SYT9: variants seen among roughly 807,000 people sequenced by gnomAD.
The protein encoded by SYT9 is synaptotagmin 9.
Under a neutral mutation model 48.4 loss-of-function variants are expected in SYT9, and 22 were observed. The observed-to-expected ratio is 0.45, with a 90% CI of 0.32 to 0.65. The LOEUF (loss-of-function observed/expected upper bound fraction) is 0.65, where lower values mean the gene tolerates loss of function less well. SYT9 is among the 30% of genes least tolerant of loss of function. The pLI, the probability that SYT9 is intolerant of heterozygous loss-of-function variation, is 0.03. For synonymous variants in SYT9, 265 were observed against 245.0 expected (o/e 1.08, Z -0.76); for missense variants, 577 against 622.0 (o/e 0.93, Z 0.77).
chr11:7,397,526 A>G (rs1846779250), intron 3 of SYT9, among the ~76,000 whole-genome samples: 1 of 152,096 alleles, frequency 6.6e-6, no homozygotes, highest in Non-Finnish European at 1.5e-5. Context: ...TTTCATATTA[A>G]TTTTAGAATC....
intron 3 of SYT9, among the ~76,000 whole-genome samples, chr11:7,401,262 C>G (rs992294479): frequency 6.6e-6 from 1 of 151,436 alleles, no homozygotes; most frequent in Non-Finnish European, 1.5e-5. Context: ...AAATGAATTT[C>G]AGGCTTAGGC....
At chr11:7,275,621 A>G (rs1031221160) in intron 1 of SYT9, among the ~76,000 whole-genome samples, 1 of 152,160 alleles carries the variant, frequency 6.6e-6, no homozygotes. Context: ...CCAGCCTTCA[A>G]TATACTGATA....
At chr11:7,319,197 T>TTC (rs1849296399) in intron 3 of SYT9, among the ~76,000 whole-genome samples, 1 of 36,702 alleles carries the variant, frequency 2.7e-5, no homozygotes, top group African/African-American at 8.3e-5. Flanking sequence ...TTTTTCTTTT[T>TTC]TTTTTTTTTT....
At chr11:7,247,596 TAC>T (rs201744289), upstream of SYT9, among the ~76,000 whole-genome samples, 2 of 147,244 alleles carry the variant, frequency 1.4e-5, no homozygotes, top group Admixed American at 6.8e-5. Context: ...TGTGTATATA[TAC>T]GTATATATAC....
At chr11:7,254,146 A>C (rs1353362440) in intron 1 of SYT9, among the ~76,000 whole-genome samples, 1 of 152,190 alleles carries the variant, frequency 6.6e-6, no homozygotes, top group Non-Finnish European at 1.5e-5. Flanking sequence ...TTACAAGAGG[A>C]AATCTGATTC....
At position 7,264,591 on chromosome 11, in the gene SYT9, G is replaced by T. The variant is rs151110158; in HGVS notation, c.145+12260G>T. On this transcript the variant is annotated intron_variant, in intron 1 of 6. Transcript: ENST00000318881. ...TTAATGGATTGTAGGTCCTGGAGGG[G>T]TGGAATGCTTGTTGAGAATGCAGTG... is the stretch of plus-strand genomic sequence containing the variant. Among the ~76,000 whole-genome samples the T allele has an allele frequency of 9.2e-5, 14 of 152,174 alleles. No individual in the cohort carries two copies. The East Asian group carries it at 2.1e-3, about 23-fold the overall frequency.
intron 3 of SYT9, among the ~76,000 whole-genome samples, chr11:7,402,003 T>A (rs1846903742): frequency 6.6e-6 from 1 of 152,012 alleles, no homozygotes; most frequent in Non-Finnish European, 1.5e-5. Flanking sequence ...TAAGCACTAC[T>A]TTGTTTGTGT....
intron 6 of SYT9, among the ~76,000 whole-genome samples, chr11:7,455,122 C>A (rs960181486): frequency 6.6e-6 from 1 of 151,714 alleles, no homozygotes; most frequent in Non-Finnish European, 1.5e-5. Flanking sequence ...GCCTCTAAAC[C>A]TTTAAGGATA....
At chr11:7,431,639 G>A (rs1407817760) in intron 6 of SYT9, among the ~76,000 whole-genome samples, 1 of 152,212 alleles carries the variant, frequency 6.6e-6, no homozygotes, top group African/African-American at 2.4e-5. Flanking sequence ...GTGATGAATG[G>A]TTTTGTGGGC....
At chr11:7,256,318 T>G (rs763587734) in intron 1 of SYT9, among the ~76,000 whole-genome samples, 25 of 152,174 alleles carry the variant, frequency 1.6e-4, no homozygotes, top group Non-Finnish European at 3.4e-4. Flanking sequence ...TGCTGGGAGC[T>G]TGTTAGAATT....
chr11:7,258,558 T>G (rs1848019900), intron 1 of SYT9, among the ~76,000 whole-genome samples: 2 of 151,856 alleles, frequency 1.3e-5, no homozygotes, highest in Admixed American at 1.3e-4. Flanking sequence ...GAACTGCACT[T>G]GAAAGAAAAA....
At chr11:7,382,848 C>G (rs1211517398) in intron 3 of SYT9, among the ~76,000 whole-genome samples, 2 of 152,164 alleles carry the variant, frequency 1.3e-5, no homozygotes, top group African/African-American at 2.4e-5. Flanking sequence ...AAGGAGTGGG[C>G]TGATCCCAGA....
At chr11:7,292,491 C>T (rs536349581) in intron 1 of SYT9, among the ~76,000 whole-genome samples, 8 of 152,326 alleles carry the variant, frequency 5.3e-5, no homozygotes, top group Non-Finnish European at 8.8e-5. Flanking sequence ...AGTCTCACAG[C>T]AGGCCACAAA....
At chr11:7,333,315 C>A (rs932576235) in intron 3 of SYT9, among the ~76,000 whole-genome samples, 1 of 152,176 alleles carries the variant, frequency 6.6e-6, no homozygotes, top group African/African-American at 2.4e-5. Flanking sequence ...TGTGGAGAAT[C>A]TAGGCCACTG....
chr11:7,331,754 C>CCAGCACT (rs1849536583), intron 3 of SYT9, among the ~76,000 whole-genome samples: 1 of 152,048 alleles, frequency 6.6e-6, no homozygotes, highest in African/African-American at 2.4e-5. Flanking sequence ...TAGGAGTCCT[C>CCAGCACT]ATTAAGCAAC....
intron 3 of SYT9, among the ~76,000 whole-genome samples, chr11:7,384,304 T>C (rs917390748): frequency 4.6e-5 from 7 of 152,186 alleles, no homozygotes; most frequent in Non-Finnish European, 1.0e-4. Context: ...TTATATCTAA[T>C]TGGCTACTCA....
At position 7,466,932 on chromosome 11, in the gene SYT9, C is replaced by A. The variant is rs113506062; in HGVS notation, c.*132C>A. ...CAAATGCTCAGCTGTAACCACAGCA[C>A]TAACTGGCCTTCTTTCCAGATTGGG... On this transcript the variant is annotated 3_prime_UTR_variant, in exon 7 of 7. Transcript: ENST00000318881. 54 of 1,124,794 alleles carry A rather than the reference C, an allele frequency of 4.8e-5. No homozygotes were observed. The African/African-American group carries it at 7.4e-4, about 15-fold the overall frequency. The allele number at this position is 1,124,794 out of a possible 1,614,324, so 69.7% of individuals were successfully genotyped here.
At chr11:7,333,728 C>G (rs1487852) in intron 3 of SYT9, among the ~76,000 whole-genome samples, 152,277 of 152,338 alleles carry the variant, frequency 1, 76,108 homozygotes, top group Non-Finnish European at 1. Flanking sequence ...ATCCAATTTG[C>G]AAGTCAGGAA....
intron 1 of SYT9, among the ~76,000 whole-genome samples, chr11:7,246,112 TA>T (rs1451640831): frequency 3.3e-5 from 5 of 152,172 alleles, no homozygotes; most frequent in Admixed American, 6.5e-5. Context: ...CTTTTACTTC[TA>T]CTTGGTAGGT....
Sources: allele counts gnomAD v4.1 joint callset (sites outside exome capture counted in the v4.1 genomes callset), GRCh38; gene constraint gnomAD v4.1.1; transcripts MANE v1.5; gene names NCBI Gene and HGNC (gene_info 2026-07-23, HGNC 2026-07-21).